The following DPY19L1 variants were observed in gnomAD, a reference collection of about 807,000 sequenced individuals.
DPY19L1 encodes dpy-19 like C-mannosyltransferase 1.
DPY19L1 carries 35 observed loss-of-function variants against 96.9 expected under a neutral mutation model. That is an observed-to-expected ratio of 0.36 (90% CI 0.28 to 0.48). DPY19L1 has a LOEUF of 0.48. DPY19L1 is among the 20% of genes least tolerant of loss of function. DPY19L1 has a pLI of 0.99. For synonymous variants in DPY19L1, 205 were observed against 252.6 expected, an observed-to-expected ratio of 0.81 and a Z score of 1.79; for missense variants, 521 against 777.9, an observed-to-expected ratio of 0.67 and a Z score of 3.93.
intron 9 of DPY19L1, among the ~76,000 whole-genome samples, chr7:34,967,379 T>C (rs1415266381): frequency 6.6e-6 from 1 of 152,188 alleles, no homozygotes; most frequent in East Asian, 1.9e-4. Flanking sequence ...AATGCATGTG[T>C]GCATAAAAAT....
At chr7:35,037,984 C>A, upstream of DPY19L1, 5 of 1,092,548 alleles carry the variant, frequency 4.6e-6, no homozygotes, top group Non-Finnish European at 5.8e-6. Flanking sequence ...GCGCTTGGAG[C>A]CCGCGCAGGC....
At chr7:35,037,015 A>AGGAAG (rs1562835101) in intron 1 of DPY19L1, 82 bp downstream of exon 1, 1 of 43,910 alleles carries the variant, frequency 2.3e-5, no homozygotes, top group Non-Finnish European at 4.6e-5. Context: ...GGAGAGGGGA[A>AGGAAG]GGAAGGGGAG....
intron 1 of DPY19L1, among the ~76,000 whole-genome samples, chr7:35,022,268 T>C (rs1786013083): frequency 6.6e-6 from 1 of 152,166 alleles, no homozygotes; most frequent in African/African-American, 2.4e-5. Context: ...GAACATAAAA[T>C]ATATTTTTAA....
intron 4 of DPY19L1, among the ~76,000 whole-genome samples, 156 bp downstream of exon 4, chr7:35,013,412 G>C (rs994924321): frequency 1.3e-5 from 2 of 151,958 alleles, no homozygotes; most frequent in African/African-American, 4.8e-5. Context: ...AATCAGTAAT[G>C]ATCTTTTTTA....
intron 21 of DPY19L1, among the ~76,000 whole-genome samples, chr7:34,932,377 G>A (rs894911925): frequency 6.6e-6 from 1 of 152,108 alleles, no homozygotes; most frequent in Admixed American, 6.5e-5. Flanking sequence ...CTTACAGTTG[G>A]ACAAAATCAT....
At chr7:34,948,284 T>C (rs986244633) in intron 14 of DPY19L1, among the ~76,000 whole-genome samples, 6 of 152,216 alleles carry the variant, frequency 3.9e-5, no homozygotes, top group Non-Finnish European at 8.8e-5. Context: ...TTATACTTTT[T>C]TTACTTTTAT....
Position 35,017,939 on chromosome 7 carries a change from G to T in DPY19L1, c.354C>A (p.Asp118Glu). The T allele has an allele frequency of 5.0e-6, 8 of 1,604,752 alleles. No individual in the cohort carries two copies. Among genetic ancestry groups the T allele is most frequent in the Non-Finnish European group, 6.8e-6 (8 of 1,175,206 alleles). Residue 118 changes from aspartate (D) to glutamate (E), a missense_variant, in exon 3 of 22, where the codon GAC becomes GAA. Coordinates refer to ENST00000638088, the MANE Select transcript of DPY19L1 (RefSeq NM_001366673.1). ...ATGTTGAGAGGTGAGAAAAATGACG[G>T]TCATTTTCAAAGAGGTGTGTTATAT... is the stretch of plus-strand genomic sequence containing the variant. ...WSHITHLFEN[D>E]RHFSHLSTLE...
intron 1 of DPY19L1, among the ~76,000 whole-genome samples, chr7:35,024,172 A>G (rs778184443): frequency 6.6e-6 from 1 of 152,176 alleles, no homozygotes; most frequent in Admixed American, 6.5e-5. Context: ...GATACACATT[A>G]TCATGTTGAG....
intron 11 of DPY19L1, among the ~76,000 whole-genome samples, chr7:34,957,337 T>C (rs1784400660): frequency 6.6e-6 from 1 of 151,996 alleles, no homozygotes; most frequent in African/African-American, 2.4e-5. Context: ...ATTGCGCCAT[T>C]GCACTCCAGC....
At chr7:34,954,884 T>G (rs1187294525) in intron 12 of DPY19L1, 106 bp from the exon 13 acceptor site, 1 of 495,342 alleles carries the variant, frequency 2.0e-6, no homozygotes, top group African/African-American at 2.0e-5. Context: ...CATATTACTA[T>G]CTACAAGAGA....
chr7:34,950,920 T>C lies in DPY19L1; in HGVS notation c.1321-1022A>G, dbSNP rs558203775. Reference sequence around the variant, plus strand: ...TTAAGGGAAAAAATCTAATATTATATTGTCACCAAAAGAAATACTTAAAAG... The same window carrying C: ...TTAAGGGAAAAAATCTAATATTATACTGTCACCAAAAGAAATACTTAAAAG... On this transcript the variant is annotated intron_variant, in intron 13 of 21. Coordinates refer to ENST00000638088, the MANE Select transcript of DPY19L1 (RefSeq NM_001366673.1). Among the ~76,000 whole-genome samples the C allele has an allele frequency of 4.6e-5, 7 of 152,176 alleles. No homozygotes were observed. In the East Asian group the frequency reaches 1.3e-3, roughly 29 times the overall value.
At chr7:34,938,486 T>C (rs1783920695) in intron 20 of DPY19L1, among the ~76,000 whole-genome samples, 1 of 152,206 alleles carries the variant, frequency 6.6e-6, no homozygotes, top group African/African-American at 2.4e-5. Context: ...ACTGTGAAGC[T>C]GCAACAGTCC....
chr7:35,006,612 G>C (rs1282790141), intron 6 of DPY19L1, among the ~76,000 whole-genome samples: 7 of 151,968 alleles, frequency 4.6e-5, no homozygotes. Flanking sequence ...AATCAATACA[G>C]CTTCAAAAAA....
At chr7:35,035,728 G>A (rs1375088120) in intron 1 of DPY19L1, among the ~76,000 whole-genome samples, 1 of 152,160 alleles carries the variant, frequency 6.6e-6, no homozygotes, top group Non-Finnish European at 1.5e-5. Flanking sequence ...AATTCGCCAT[G>A]TGATAACCCC....
chr7:35,009,775 T>G (rs573963535), intron 6 of DPY19L1, among the ~76,000 whole-genome samples: 14 of 152,236 alleles, frequency 9.2e-5, no homozygotes, highest in African/African-American at 3.1e-4. Flanking sequence ...CAGACTTTTT[T>G]TACACCAAAA....
At chr7:34,970,220 T>A (rs1261602957) in intron 8 of DPY19L1, among the ~76,000 whole-genome samples, 1 of 152,076 alleles carries the variant, frequency 6.6e-6, no homozygotes, top group Non-Finnish European at 1.5e-5. Flanking sequence ...GGTGATGAGG[T>A]GTATGCAGCT....
chr7:35,027,825 C>G (rs1216671500), intron 1 of DPY19L1, among the ~76,000 whole-genome samples: 3 of 151,852 alleles, frequency 2.0e-5, no homozygotes, highest in South Asian at 2.1e-4. Context: ...GCAACAAGAG[C>G]AAAACTCCGT....
chr7:34,994,798 C>T (rs1051885041), intron 6 of DPY19L1, among the ~76,000 whole-genome samples: 10 of 148,598 alleles, frequency 6.7e-5, no homozygotes, highest in African/African-American at 1.0e-4. Flanking sequence ...AGCAAGATTC[C>T]GTCTCAAAAA....
intron 1 of DPY19L1, among the ~76,000 whole-genome samples, chr7:35,031,268 A>C (rs1293437506): frequency 6.6e-6 from 1 of 152,208 alleles, no homozygotes; most frequent in African/African-American, 2.4e-5. Context: ...ATTATTCCCT[A>C]AACAATACAG....
Sources: allele counts gnomAD v4.1 joint callset (sites outside exome capture counted in the v4.1 genomes callset), GRCh38; gene constraint gnomAD v4.1.1; transcripts MANE v1.5; gene names NCBI Gene and HGNC (gene_info 2026-07-23, HGNC 2026-07-21).